Variants in TNRC18 observed in about 807,000 individuals in gnomAD.
TNRC18 encodes trinucleotide repeat containing 18, also known as trinucleotide repeat-containing gene 18 protein.
A neutral mutation model predicts 226.7 loss-of-function variants in TNRC18; 69 were observed. The observed-to-expected ratio is 0.30, with a 90% confidence interval of 0.25 to 0.37. TNRC18 has a LOEUF of 0.37. Among genes scored for constraint, TNRC18 ranks in the 10% least tolerant of loss-of-function variants. TNRC18 has a pLI of 1.00. For synonymous variants in TNRC18, 2,449 were observed against 1,927.6 expected (o/e 1.27, Z -7.09); for missense variants, 4,754 against 4,256.6 (o/e 1.12, Z -3.25).
rs1388874410 is a variant in TNRC18, at chr7:5,345,637, C to A, written c.5644G>T (p.Gly1882Cys). ...AGCTGTACCACAGACAGGGATGGACCCACCGTGGGGCTGGGGAGGGCGCTG... is the reference window on the plus strand; with the variant it reads ...AGCTGTACCACAGACAGGGATGGACACACCGTGGGGCTGGGGAGGGCGCTG... ...AASALPSPTV[G>C]PSLSVVQLEA... is the part of the protein sequence containing the mutation. The change falls in exon 18 of 30, where the codon GGT becomes TGT. Residue 1882 changes from glycine (G) to cysteine (C), a missense_variant. By Grantham distance (159) the Gly-to-Cys change is radical. Transcript: ENST00000430969. The A allele has an allele frequency of 6.4e-7, 1 of 1,558,164 alleles. No homozygotes were observed. The highest frequency in any genetic ancestry group is 8.7e-7 in the Non-Finnish European group (1 of 1,151,338).
At chr7:5,368,598 G>C (rs1370441286) in intron 11 of TNRC18, among the ~76,000 whole-genome samples, 1 of 140,974 alleles carries the variant, frequency 7.1e-6, no homozygotes, top group Non-Finnish European at 1.5e-5. Flanking sequence ...CTGGGAGGCG[G>C]AAGTTGCAGT....
Position 5,332,670 on chromosome 7 carries a change from G to A in TNRC18, c.6099C>T (p.Ser2033=), listed in dbSNP as rs1355149859. ...TTGCACGCCCGGCGTCCTTGCGCGG[G>A]CTCAGGGGGCCGCCCTTGGCGCAGC... is the stretch of plus-strand genomic sequence containing the variant. ...TSRCAKGGPL[S]PRKDAGRAKD... is the part of the protein sequence containing the mutation. The change falls in exon 19 of 30, where the codon AGC becomes AGT. Residue 2033 remains serine, a synonymous_variant. Transcript: ENST00000430969. 9 of 1,530,344 alleles carry A rather than the reference G, an allele frequency of 5.9e-6. No individual in the cohort carries two copies. In the Admixed American group the frequency reaches 6.2e-5, roughly 11 times the overall value. The allele number at this position is 1,530,344 out of a possible 1,614,324, so 94.8% of individuals were successfully genotyped here.
chr7:5,418,621 C>G (rs1782339237), intron 2 of TNRC18, among the ~76,000 whole-genome samples: 1 of 152,202 alleles, frequency 6.6e-6, no homozygotes, highest in Admixed American at 6.5e-5. Context: ...AAGCAAGTGG[C>G]TCAACCGCTC....
chr7:5,408,961 A>C lies in TNRC18; in HGVS notation c.187+12099T>G, dbSNP rs116925670. 3.2e-4 allele frequency among the ~76,000 whole-genome samples: 49 copies of C among 152,356 alleles called. No individual in the cohort carries two copies. The East Asian group carries it at 8.3e-3, about 26-fold the overall frequency. On this transcript the variant is annotated intron_variant, in intron 2 of 29. Coordinates refer to ENST00000430969, the MANE Select transcript of TNRC18 (RefSeq NM_001080495.3). ...AAGGGAAAACAGGAATCAGAGTGCG[A>C]ATCATCAACCTTAACATGCACACTC...
At chr7:5,311,106 G>T (rs1318653706) in intron 27 of TNRC18, among the ~76,000 whole-genome samples, 4 of 152,262 alleles carry the variant, frequency 2.6e-5, no homozygotes, top group Non-Finnish European at 5.9e-5. Context: ...TCATGTACGT[G>T]CCTGCATTCA....
rs1463560924 is a variant in TNRC18, at chr7:5,309,434, G to T, written c.8389-66C>A. The T allele has an allele frequency of 8.2e-5, 118 of 1,445,650 alleles. No homozygotes were observed. Among genetic ancestry groups the T allele is most frequent in the Non-Finnish European group, 1.0e-4 (109 of 1,066,236 alleles). The allele number at this position is 1,445,650 out of a possible 1,614,324, so 89.6% of individuals were successfully genotyped here. On this transcript the variant is annotated intron_variant, in intron 27 of 29. Transcript: ENST00000430969. The surrounding 1 kb of genome is among the most constrained non-coding windows in gnomAD (Gnocchi z 5.7). ...CCCCAAGGAGCCCGCCGCCTGGCAG[G>T]CTCTGCCGCTTGGGACTCTGGGCCC...
chr7:5,345,915 T>C, intron 17 of TNRC18, 105 bp from the exon 18 acceptor site: 1 of 1,439,486 alleles, frequency 6.9e-7, no homozygotes, highest in Non-Finnish European at 9.1e-7. Context: ...GCCTAGTCCC[T>C]CAGTCCTGAG....
At position 5,362,925 on chromosome 7, in the gene TNRC18, C is replaced by T. The variant is rs76586797; in HGVS notation, c.4220-100G>A. The T allele has an allele frequency of 1.1e-5, 14 of 1,252,970 alleles. No homozygotes were observed. In the Admixed American group the frequency reaches 1.5e-4, roughly 14 times the overall value. The allele number at this position is 1,252,970 out of a possible 1,614,324, so 77.6% of individuals were successfully genotyped here. Reference sequence around the variant, plus strand: ...AAGCAAGCGCAGGCCCCAGGCCACACGTGCCCATCCCCCAAGGTGCTGAGT... The same window carrying T: ...AAGCAAGCGCAGGCCCCAGGCCACATGTGCCCATCCCCCAAGGTGCTGAGT... On this transcript the variant is annotated intron_variant, in intron 11 of 29. Transcript: ENST00000430969.
Position 5,332,982 on chromosome 7 carries a change from C to G in TNRC18, c.5787G>C (p.Leu1929=). Reference sequence around the variant, plus strand: ...CCCCCAGCCCCTTCTTGGGCCGCAGCAGCCCCGCAGGCGACCGCTTGCGCA... The same window carrying G: ...CCCCCAGCCCCTTCTTGGGCCGCAGGAGCCCCGCAGGCGACCGCTTGCGCA... ...VKVRKRSPAG[L]LRPKKGLGEP... Residue 1929 remains leucine, a synonymous_variant, in exon 19 of 30, where the codon CTG becomes CTC. Coordinates refer to ENST00000430969, the MANE Select transcript of TNRC18 (RefSeq NM_001080495.3). 6.4e-7 allele frequency: 1 copy of G among 1,570,266 alleles called. No individual in the cohort carries two copies. The highest frequency in any genetic ancestry group is 8.6e-7 in the Non-Finnish European group (1 of 1,166,180).
intron 2 of TNRC18, among the ~76,000 whole-genome samples, chr7:5,406,446 A>C (rs1584097502): frequency 6.6e-6 from 1 of 152,056 alleles, no homozygotes; most frequent in Admixed American, 6.6e-5. Flanking sequence ...TGGGTAATAG[A>C]GCGAGACTCT....
intron 18 of TNRC18, among the ~76,000 whole-genome samples, chr7:5,340,914 C>T (rs902774423): frequency 9.9e-5 from 15 of 152,132 alleles, no homozygotes; most frequent in Admixed American, 9.2e-4. Flanking sequence ...GACAAAACAG[C>T]CTTCTAAGAA....
At chr7:5,325,984 T>C (rs925486133) in intron 19 of TNRC18, among the ~76,000 whole-genome samples, 2 of 152,088 alleles carry the variant, frequency 1.3e-5, no homozygotes, top group African/African-American at 2.4e-5. Flanking sequence ...TCCTCCCGCC[T>C]TGGCCTTCCA....
At chr7:5,414,887 C>G (rs1156387796) in intron 2 of TNRC18, among the ~76,000 whole-genome samples, 1 of 152,154 alleles carries the variant, frequency 6.6e-6, no homozygotes, top group Non-Finnish European at 1.5e-5. Flanking sequence ...TTCCCTGATC[C>G]CAAGATCCAA....
chr7:5,314,955 G>T, intron 26 of TNRC18, 29 bp downstream of exon 26: 1 of 1,589,228 alleles, frequency 6.3e-7, no homozygotes, highest in East Asian at 2.3e-5. Flanking sequence ...TCCGCCCACC[G>T]CCCTGCCCTG....
At chr7:5,384,833 G>C (rs1381810818) in intron 5 of TNRC18, among the ~76,000 whole-genome samples, 3 of 152,104 alleles carry the variant, frequency 2.0e-5, no homozygotes, top group Non-Finnish European at 4.4e-5. Flanking sequence ...AGAGTGTAGC[G>C]GGGCTTCCCT....
chr7:5,362,702 C>T lies in TNRC18; in HGVS notation c.4343G>A (p.Arg1448Gln), dbSNP rs868830988. The T allele has an allele frequency of 3.2e-6, 5 of 1,583,054 alleles. No individual in the cohort carries two copies. The highest frequency in any genetic ancestry group is 4.3e-6 in the Non-Finnish European group (5 of 1,165,732). Residue 1448 changes from arginine to glutamine, a missense_variant, in exon 12 of 30, where the codon CGG becomes CAG. By Grantham distance (43) the Arg-to-Gln change is conservative (BLOSUM62 1). Coordinates refer to ENST00000430969, the MANE Select transcript of TNRC18 (RefSeq NM_001080495.3). ...GTACTTCTTGTTGGGCTTCAGCTCCCGCGGGAGCCGCAGGTTCTTGAGTGG... is the reference window on the plus strand; with the variant it reads ...GTACTTCTTGTTGGGCTTCAGCTCCTGCGGGAGCCGCAGGTTCTTGAGTGG... ...VDPLKNLRLP[R>Q]ELKPNKKYSW... is the part of the protein sequence containing the mutation.
chr7:5,320,758 C>G, intron 22 of TNRC18, 151 bp from the exon 23 acceptor site: 1 of 692,090 alleles, frequency 1.4e-6, no homozygotes, highest in South Asian at 1.9e-5. Flanking sequence ...AATTCTCCCC[C>G]TTTTCTGGGT....
chr7:5,332,767 C>T lies in TNRC18; in HGVS notation c.6002G>A (p.Arg2001His), dbSNP rs761901655. The change falls in exon 19 of 30, where the codon CGC becomes CAC. Residue 2001 changes from arginine to histidine, a missense_variant. Coordinates refer to ENST00000430969, the MANE Select transcript of TNRC18 (RefSeq NM_001080495.3). ...AGCCGAGGCGTCGTGCAGGAAGATG[C>T]GCTCGCTGCGGCGCCGCGTCCACAG... is the stretch of plus-strand genomic sequence containing the variant. The part of the protein sequence containing the change: ...DDLWTRRRSE[R>H]IFLHDASAAA... The T allele has an allele frequency of 6.6e-7, 1 of 1,517,764 alleles. No homozygotes were observed. The highest frequency in any genetic ancestry group is 8.8e-7 in the Non-Finnish European group (1 of 1,139,244). The allele number at this position is 1,517,764 out of a possible 1,614,324, so 94.0% of individuals were successfully genotyped here. A position where few individuals can be genotyped will look rare whatever the true frequency, so the allele number is the denominator to read the frequency against.
At chr7:5,317,069 A>G (rs928173066) in intron 24 of TNRC18, among the ~76,000 whole-genome samples, 1 of 152,168 alleles carries the variant, frequency 6.6e-6, no homozygotes, top group African/African-American at 2.4e-5. Flanking sequence ...AGATGCTGGT[A>G]CTATATCCCC....
Sources: allele counts gnomAD v4.1 joint callset (sites outside exome capture counted in the v4.1 genomes callset), GRCh38; gene constraint gnomAD v4.1.1; non-coding constraint Gnocchi (gnomAD v3.1); transcripts MANE v1.5; gene names NCBI Gene and HGNC (gene_info 2026-07-23, HGNC 2026-07-21).